PAK5: variants seen among roughly 807,000 people sequenced by gnomAD.
PAK5 encodes the protein serine/threonine-protein kinase PAK 5.
PAK5 carries 16 observed loss-of-function variants against 65.9 expected under a neutral mutation model. The ratio of observed to expected loss-of-function variants is 0.24; its 90% confidence interval spans 0.16 to 0.37. PAK5 has a LOEUF of 0.37. Ranked by LOEUF, PAK5 falls within the 10% of genes least tolerant of loss-of-function variation. PAK5 has a pLI of 1.00. For missense variants in PAK5, 785 were observed against 903.9 expected (o/e 0.87, Z 1.69); for synonymous variants, 371 against 354.9 (o/e 1.05, Z -0.51).
In PAK5 at chr20:9,538,486, G is replaced by T. The variant is rs1211842773; in HGVS notation, c.*976C>A. 1 of 233,336 alleles carries T rather than the reference G, an allele frequency of 4.3e-6. No individual in the cohort carries two copies. The highest frequency in any genetic ancestry group is 6.0e-5 in the East Asian group (1 of 16,552). 14.5% of individuals were successfully genotyped at this position (233,336 alleles called of 1,614,324 possible). Reference sequence around the variant, plus strand: ...CCTTTGTGAGCCTGGAATTCTCATGGTCTCACTGAAACATTCTATTTTGGG... The same window carrying T: ...CCTTTGTGAGCCTGGAATTCTCATGTTCTCACTGAAACATTCTATTTTGGG... On this transcript the variant is annotated 3_prime_UTR_variant, in exon 10 of 10. Coordinates refer to ENST00000353224, the MANE Select transcript of PAK5 (RefSeq NM_177990.4).
At chr20:9,720,220 A>G (rs188767334) in intron 1 of PAK5, among the ~76,000 whole-genome samples, 57 of 152,298 alleles carry the variant, frequency 3.7e-4, no homozygotes, top group Admixed American at 3.3e-3. Context: ...CCTGAGCTCA[A>G]TTAGATAGAC....
chr20:9,561,665 T>A (rs1334082165), intron 6 of PAK5, among the ~76,000 whole-genome samples: 1 of 152,216 alleles, frequency 6.6e-6, no homozygotes, highest in Non-Finnish European at 1.5e-5. Context: ...CAGTACTTTC[T>A]TGTTACCTTG....
intron 1 of PAK5, among the ~76,000 whole-genome samples, chr20:9,809,313 C>T (rs1177002684): frequency 1.3e-5 from 2 of 148,648 alleles, no homozygotes; most frequent in Non-Finnish European, 3.0e-5. Context: ...AGTGATACTA[C>T]TTTTCTGTTG....
intron 2 of PAK5, among the ~76,000 whole-genome samples, chr20:9,663,984 G>A (rs1281219149): frequency 2.0e-5 from 3 of 152,118 alleles, no homozygotes; most frequent in African/African-American, 7.2e-5. Context: ...AGAACCATTT[G>A]GAAAAGTTCA....
intron 4 of PAK5, among the ~76,000 whole-genome samples, chr20:9,567,421 C>A (rs1038036123): frequency 6.6e-6 from 1 of 152,222 alleles, no homozygotes; most frequent in African/African-American, 2.4e-5. Flanking sequence ...TAGCTACAAG[C>A]TACACGTGCC....
intron 2 of PAK5, among the ~76,000 whole-genome samples, chr20:9,704,362 C>T (rs2047979175): frequency 6.6e-6 from 1 of 152,190 alleles, no homozygotes; most frequent in African/African-American, 2.4e-5. Context: ...CCATCTACTT[C>T]ACAATCTGCA....
At chr20:9,784,758 G>T (rs2048975321) in intron 1 of PAK5, among the ~76,000 whole-genome samples, 1 of 151,484 alleles carries the variant, frequency 6.6e-6, no homozygotes, top group Non-Finnish European at 1.5e-5. Context: ...TATTCTCTGT[G>T]AAGTGAAAGG....
chr20:9,670,139 T>A (rs1171579870), intron 2 of PAK5, among the ~76,000 whole-genome samples: 1 of 152,174 alleles, frequency 6.6e-6, no homozygotes, highest in Non-Finnish European at 1.5e-5. Flanking sequence ...CCATGGTGTA[T>A]ATGTGCCACA....
chr20:9,640,275 T>G (rs1010380261), intron 3 of PAK5, among the ~76,000 whole-genome samples: 25 of 145,752 alleles, frequency 1.7e-4, no homozygotes, highest in African/African-American at 4.8e-4. Context: ...TGTGTTCTTA[T>G]TGTTCACTTC....
At position 9,790,314 on chromosome 20, in the gene PAK5, G is replaced by A. The variant is rs1381397327; in HGVS notation, c.-162+48448C>T. ...ACAAATTAATCAGATTTGTTTGCTT[G>A]TCAGAGAGCAAACAGTATAAAGGGG... On this transcript the variant is annotated intron_variant, in intron 1 of 9. Coordinates refer to ENST00000353224, the MANE Select transcript of PAK5 (RefSeq NM_177990.4). 2.6e-5 allele frequency among the ~76,000 whole-genome samples: 4 copies of A among 151,982 alleles called. No individual in the cohort carries two copies. In the East Asian group the frequency reaches 5.8e-4, roughly 22 times the overall value.
At chr20:9,772,326 A>G (rs1002679707) in intron 1 of PAK5, among the ~76,000 whole-genome samples, 11 of 152,202 alleles carry the variant, frequency 7.2e-5, no homozygotes, top group Middle Eastern at 3.2e-3. Flanking sequence ...ACAGATAAGA[A>G]AGTGCACTAT....
At chr20:9,804,872 G>A (rs770405748) in intron 1 of PAK5, among the ~76,000 whole-genome samples, 5 of 152,134 alleles carry the variant, frequency 3.3e-5, no homozygotes, top group East Asian at 1.9e-4. Flanking sequence ...AACACAGTGC[G>A]ACCTTGTCTC....
intron 3 of PAK5, among the ~76,000 whole-genome samples, chr20:9,588,963 C>T (rs1361120309): frequency 6.6e-6 from 1 of 152,146 alleles, no homozygotes; most frequent in Non-Finnish European, 1.5e-5. Context: ...TCTGTGAAAA[C>T]AGCTGTCTCC....
rs543626993 is a variant in PAK5 at position 9,762,487 on chromosome 20, GACAA to G, written c.-161-51056_-161-51053del. On this transcript the variant is annotated intron_variant, in intron 1 of 9. Coordinates refer to ENST00000353224, the MANE Select transcript of PAK5 (RefSeq NM_177990.4). ...TCTGAACAGATATATCTCCACAGAA[GACAA>G]ACAAATGGCCAACTATATTAAAAGG... Among the ~76,000 whole-genome samples, 151 of 152,064 alleles carry G rather than the reference GACAA, an allele frequency of 9.9e-4. No homozygotes were observed. In the Middle Eastern group the frequency reaches 0.014, roughly 14 times the overall value.
intron 1 of PAK5, among the ~76,000 whole-genome samples, chr20:9,740,325 C>A (rs574309566): frequency 6.6e-6 from 1 of 152,194 alleles, no homozygotes; most frequent in African/African-American, 2.4e-5. Context: ...AATTGGTATT[C>A]TCTAGAAATG....
intron 1 of PAK5, among the ~76,000 whole-genome samples, chr20:9,826,702 G>A (rs968618647): frequency 1.3e-5 from 2 of 152,062 alleles, no homozygotes; most frequent in Admixed American, 1.3e-4. Context: ...CCAAACTTTC[G>A]ATTTCTTCCT....
chr20:9,778,463 C>T (rs1169131974), intron 1 of PAK5, among the ~76,000 whole-genome samples: 1 of 126,582 alleles, frequency 7.9e-6, no homozygotes, highest in Admixed American at 8.4e-5. Flanking sequence ...GTCTCAGACT[C>T]CTGGCATCAA....
chr20:9,611,300 C>A (rs1472332994), intron 3 of PAK5, among the ~76,000 whole-genome samples: 1 of 152,126 alleles, frequency 6.6e-6, no homozygotes, highest in African/African-American at 2.4e-5. Context: ...CTCCTATCTG[C>A]CCAAAAACAG....
At chr20:9,833,211 T>A (rs1978865561) in intron 1 of PAK5, among the ~76,000 whole-genome samples, 1 of 152,204 alleles carries the variant, frequency 6.6e-6, no homozygotes, top group African/African-American at 2.4e-5. Context: ...TGACGTTTTG[T>A]CAAATACTCC....
Sources: allele counts gnomAD v4.1 joint callset (sites outside exome capture counted in the v4.1 genomes callset), GRCh38; gene constraint gnomAD v4.1.1; transcripts MANE v1.5; gene names NCBI Gene and HGNC (gene_info 2026-07-23, HGNC 2026-07-21).